The following SLC35F4 variants were observed in gnomAD, a reference collection of about 807,000 sequenced individuals.
SLC35F4 encodes the protein chromosome 14 open reading frame 36.
Under a neutral mutation model 44.2 loss-of-function variants are expected in SLC35F4, and 24 were observed. The ratio of observed to expected loss-of-function variants is 0.54; its 90% CI spans 0.39 to 0.76. SLC35F4 has a LOEUF of 0.76. Ranked by LOEUF, SLC35F4 falls within the 30% of genes least tolerant of loss-of-function variation. SLC35F4 has a pLI of 0.00. For missense variants in SLC35F4, 562 were observed against 586.1 expected (o/e 0.96, Z 0.42); for synonymous variants, 238 against 223.6 (o/e 1.06, Z -0.57).
At chr14:57,728,321 GT>G (rs1324952917) in intron 1 of SLC35F4, among the ~76,000 whole-genome samples, 1 of 148,062 alleles carries the variant, frequency 6.8e-6, no homozygotes, top group East Asian at 2.0e-4. Flanking sequence ...ATTAGTTCTT[GT>G]TTTTTCATAC....
At chr14:57,830,799 AT>A (rs1351576247) in intron 1 of SLC35F4, among the ~76,000 whole-genome samples, 1 of 152,124 alleles carries the variant, frequency 6.6e-6, no homozygotes, top group African/African-American at 2.4e-5. Context: ...AAGACAAAGA[AT>A]CACACACTCT....
chr14:57,598,427 G>A (rs1424977831), intron 1 of SLC35F4, among the ~76,000 whole-genome samples: 7 of 152,150 alleles, frequency 4.6e-5, no homozygotes, highest in Admixed American at 2.0e-4. Flanking sequence ...TGGGTGTTTA[G>A]GAACTTCAAA....
chr14:57,937,561 AAAGAAAAG>A (rs1479880120), intron 1 of SLC35F4, among the ~76,000 whole-genome samples: 1 of 97,132 alleles, frequency 1.0e-5, no homozygotes, highest in Non-Finnish European at 2.3e-5. Flanking sequence ...GAAGGAAAGA[AAAGAAAAG>A]AAAAGAGAAA....
At chr14:57,817,882 G>C (rs572663542) in intron 1 of SLC35F4, among the ~76,000 whole-genome samples, 1 of 152,132 alleles carries the variant, frequency 6.6e-6, no homozygotes, top group African/African-American at 2.4e-5. Context: ...AAGGATTTAA[G>C]TGCTGCTGGA....
At chr14:57,564,871 A>T (rs1289996897) in intron 7 of SLC35F4, among the ~76,000 whole-genome samples, 1 of 152,194 alleles carries the variant, frequency 6.6e-6, no homozygotes, top group East Asian at 1.9e-4. Context: ...TTCAAAATAA[A>T]AGCCCATACC....
At chr14:57,731,511 T>C (rs2045509191) in intron 1 of SLC35F4, among the ~76,000 whole-genome samples, 2 of 152,156 alleles carry the variant, frequency 1.3e-5, no homozygotes, top group African/African-American at 4.8e-5. Context: ...TTTTCTTTCA[T>C]TCTACAGCAT....
At chr14:57,932,144 A>G (rs1187468390) in intron 1 of SLC35F4, among the ~76,000 whole-genome samples, 1 of 152,168 alleles carries the variant, frequency 6.6e-6, no homozygotes, top group Middle Eastern at 3.2e-3. Flanking sequence ...TAACTTGAAG[A>G]CAAAAACTGT....
intron 4 of SLC35F4, among the ~76,000 whole-genome samples, chr14:57,572,751 T>C (rs1566628725): frequency 6.6e-6 from 1 of 152,252 alleles, no homozygotes; most frequent in African/African-American, 2.4e-5. Context: ...GAAGTCATCA[T>C]TGTTCACTGT....
intron 1 of SLC35F4, among the ~76,000 whole-genome samples, chr14:57,636,404 A>T (rs1594659531): frequency 6.6e-6 from 1 of 152,122 alleles, no homozygotes; most frequent in East Asian, 1.9e-4. Context: ...TTTGCAGCAC[A>T]CTTGTAGACT....
intron 1 of SLC35F4, among the ~76,000 whole-genome samples, chr14:57,639,947 C>G (rs2073156244): frequency 6.6e-6 from 1 of 151,970 alleles, no homozygotes; most frequent in South Asian, 2.1e-4. Context: ...GTCATTATCT[C>G]AATTTTAGCT....
intron 1 of SLC35F4, among the ~76,000 whole-genome samples, chr14:57,775,077 C>T (rs1411721309): frequency 4.6e-5 from 7 of 152,214 alleles, no homozygotes; most frequent in African/African-American, 9.7e-5. Context: ...GTGGACCCAA[C>T]GACCTCCTGA....
intron 1 of SLC35F4, among the ~76,000 whole-genome samples, chr14:57,773,495 G>C (rs2077416832): frequency 6.6e-6 from 1 of 152,084 alleles, no homozygotes; most frequent in Non-Finnish European, 1.5e-5. Flanking sequence ...CTGTCACCAA[G>C]GTCTGTGCCA....
At chr14:57,854,487 A>C (rs913305652) in intron 1 of SLC35F4, among the ~76,000 whole-genome samples, 2 of 152,222 alleles carry the variant, frequency 1.3e-5, no homozygotes, top group Non-Finnish European at 2.9e-5. Flanking sequence ...GTATGAAAGG[A>C]ACAATGCTAC....
chr14:57,641,114 G>C lies in SLC35F4; in HGVS notation c.104-46990C>G, dbSNP rs190495409. Among the ~76,000 whole-genome samples the C allele has an allele frequency of 1.9e-4, 28 of 148,250 alleles. No homozygotes were observed. The East Asian group carries it at 5.2e-3, about 28-fold the overall frequency. On this transcript the variant is annotated intron_variant, in intron 1 of 7. Coordinates refer to ENST00000556826, the MANE Select transcript of SLC35F4 (RefSeq NM_001306087.2). ...TTGTTCTATAGACAAACACTAACTAGCCTTAGAGAGAAAGCAAAGATAATC... is the reference window on the plus strand; with the variant it reads ...TTGTTCTATAGACAAACACTAACTACCCTTAGAGAGAAAGCAAAGATAATC...
chr14:57,694,603 C>T (rs1176519304), intron 1 of SLC35F4, among the ~76,000 whole-genome samples: 1 of 152,156 alleles, frequency 6.6e-6, no homozygotes, highest in Non-Finnish European at 1.5e-5. Context: ...AGATATTTCA[C>T]AGAATCTATC....
chr14:57,735,990 C>G (rs1245777841), intron 1 of SLC35F4, among the ~76,000 whole-genome samples: 1 of 152,174 alleles, frequency 6.6e-6, no homozygotes, highest in Non-Finnish European at 1.5e-5. Flanking sequence ...GCTGGGATTA[C>G]AGGCACAAGT....
intron 1 of SLC35F4, among the ~76,000 whole-genome samples, chr14:57,720,923 C>T (rs1951001): frequency 0.29 from 41,590 of 144,784 alleles, 7,234 homozygotes; most frequent in Non-Finnish European, 0.39. Flanking sequence ...TCTTTCTCCT[C>T]AACTTGTAGA....
intron 3 of SLC35F4, among the ~76,000 whole-genome samples, chr14:57,584,173 C>T (rs1195715199): frequency 6.6e-6 from 1 of 151,948 alleles, no homozygotes; most frequent in Non-Finnish European, 1.5e-5. Flanking sequence ...ATATTTTTTT[C>T]TTCCTAAATT....
chr14:57,667,476 C>A (rs1022457868), intron 1 of SLC35F4, among the ~76,000 whole-genome samples: 1 of 148,080 alleles, frequency 6.8e-6, no homozygotes, highest in African/African-American at 2.5e-5. Flanking sequence ...TAATGCTATC[C>A]CTCCTCCCTC....
Sources: gnomAD v4.1 joint callset for allele counts (sites outside exome capture counted in the v4.1 genomes callset) on GRCh38, gnomAD v4.1.1 for gene constraint, MANE v1.5 for transcripts, NCBI Gene and HGNC (gene_info 2026-07-23, HGNC 2026-07-21) for gene names.